RBFOX1: variants seen among roughly 807,000 people sequenced by gnomAD.
RBFOX1 encodes RNA binding protein fox-1 homolog 1.
RBFOX1 carries 8 observed loss-of-function variants against 57.7 expected under a neutral mutation model. That is an observed-to-expected ratio of 0.14 (90% CI 0.08 to 0.25). The LOEUF (loss-of-function observed/expected upper bound fraction) is 0.25. RBFOX1 is among the 10% of genes least tolerant of loss of function. The pLI is 1.00. For synonymous variants in RBFOX1, 326 were observed against 222.4 expected (o/e 1.47, Z -4.15); for missense variants, 611 against 548.5 (o/e 1.11, Z -1.14).
At chr16:7,478,009 T>C (rs1337335186) in intron 4 of RBFOX1, among the ~76,000 whole-genome samples, 1 of 152,228 alleles carries the variant, frequency 6.6e-6, no homozygotes, top group African/African-American at 2.4e-5. Flanking sequence ...CCTCCTTCTC[T>C]CTACACTGTT....
chr16:6,855,274 A>T (rs1299039995), intron 3 of RBFOX1, among the ~76,000 whole-genome samples: 1 of 152,142 alleles, frequency 6.6e-6, no homozygotes, highest in African/African-American at 2.4e-5. Flanking sequence ...GAAGGAGGGC[A>T]GTCAGCATTC....
intron 3 of RBFOX1, among the ~76,000 whole-genome samples, chr16:6,810,579 T>C (rs2154266012): frequency 6.6e-6 from 1 of 152,212 alleles, no homozygotes; most frequent in African/African-American, 2.4e-5. Flanking sequence ...GTATTATGAG[T>C]TTCATAGTGC....
intron 3 of RBFOX1, among the ~76,000 whole-genome samples, chr16:6,977,937 G>GAAAAAA (rs1555705863): frequency 1.0e-3 from 83 of 79,462 alleles, no homozygotes; most frequent in African/African-American, 1.5e-3. Context: ...CCTCCCCAGG[G>GAAAAAA]AAAAAAAAAA....
In RBFOX1 at chr16:5,933,131, A is replaced by G. The variant is rs145327180; in HGVS notation, c.351+65796A>G. ...TTCTTCTTCAAATGGAAACTTTTCA[A>G]TTGCTTTCAAATAGCTGGAGCTGAT... On this transcript the variant is annotated intron_variant, in intron 4 of 19. Transcript: ENST00000641259. Among the ~76,000 whole-genome samples the G allele has an allele frequency of 7.9e-5, 12 of 152,308 alleles. No homozygotes were observed. In the East Asian group the frequency reaches 9.7e-4, roughly 12 times the overall value.
chr16:5,901,655 T>C (rs147726078), intron 4 of RBFOX1, among the ~76,000 whole-genome samples: 73 of 152,312 alleles, frequency 4.8e-4, no homozygotes, highest in African/African-American at 1.7e-3. Flanking sequence ...AGAGTAAGGA[T>C]ATAGGAAATT....
chr16:6,235,633 CAT>C lies in RBFOX1; in HGVS notation c.-126-81352_-126-81351del, dbSNP rs1213213874. On this transcript the variant is annotated intron_variant, in intron 1 of 15. Coordinates refer to ENST00000550418, the MANE Select transcript of RBFOX1 (RefSeq NM_018723.4). ...ATATTTATACATATATATATACTTA[CAT>C]ATATATATACACATATGTATATGAT... is the stretch of plus-strand genomic sequence containing the variant. Among the ~76,000 whole-genome samples, 5 of 148,150 alleles carry C rather than the reference CAT, an allele frequency of 3.4e-5. 1 individual carries two copies. Among genetic ancestry groups the C allele is most frequent in the East Asian group, 3.9e-4 (2 of 5,076 alleles).
At chr16:7,571,296 C>G (rs546721470) in intron 5 of RBFOX1, among the ~76,000 whole-genome samples, 38 of 152,264 alleles carry the variant, frequency 2.5e-4, no homozygotes, top group African/African-American at 8.7e-4. Context: ...TCAGTCTTGT[C>G]TCCCTAGGGT....
At chr16:6,678,600 G>C (rs763163628) in intron 3 of RBFOX1, among the ~76,000 whole-genome samples, 48 of 151,120 alleles carry the variant, frequency 3.2e-4, no homozygotes, top group Middle Eastern at 6.8e-3. Context: ...TATTTTGACA[G>C]CGGATTGCAT....
At chr16:5,735,364 A>G (rs563377117) in intron 3 of RBFOX1, among the ~76,000 whole-genome samples, 3 of 152,210 alleles carry the variant, frequency 2.0e-5, no homozygotes, top group African/African-American at 4.8e-5. Flanking sequence ...ATTCTTCTCA[A>G]TCACATCTGA....
At chr16:5,564,794 A>G (rs2046007648) in intron 2 of RBFOX1, among the ~76,000 whole-genome samples, 1 of 152,158 alleles carries the variant, frequency 6.6e-6, no homozygotes, top group Non-Finnish European at 1.5e-5. Flanking sequence ...CTAGAAGAAC[A>G]ACCCAGTTTT....
At chr16:7,691,908 C>T (rs2077430478) in intron 14 of RBFOX1, among the ~76,000 whole-genome samples, 1 of 152,110 alleles carries the variant, frequency 6.6e-6, no homozygotes, top group African/African-American at 2.4e-5. Context: ...TTCTTAGGAG[C>T]ATTCTGTAAA....
At chr16:6,222,596 T>G (rs1463383959) in intron 1 of RBFOX1, among the ~76,000 whole-genome samples, 4 of 143,856 alleles carry the variant, frequency 2.8e-5, no homozygotes, top group Admixed American at 2.2e-4. Context: ...AAGGCTTTGT[T>G]AAGCCCTGGA....
chr16:5,902,750 A>G (rs1348827564), intron 4 of RBFOX1, among the ~76,000 whole-genome samples: 1 of 152,040 alleles, frequency 6.6e-6, no homozygotes. Context: ...GCCTTCATCA[A>G]TCTCTTATTC....
chr16:7,626,979 G>T (rs746775792), intron 10 of RBFOX1, among the ~76,000 whole-genome samples: 2 of 152,104 alleles, frequency 1.3e-5, no homozygotes, highest in Non-Finnish European at 2.9e-5. Context: ...TGTAGTAGAG[G>T]ACCACGAAGG....
At chr16:5,630,687 C>T (rs7197298) in intron 3 of RBFOX1, among the ~76,000 whole-genome samples, 7,585 of 152,118 alleles carry the variant, frequency 0.05, 498 homozygotes, top group African/African-American at 0.15. Flanking sequence ...AAGCCGGCTT[C>T]TTATTCTTTT....
At chr16:5,477,825 G>A (rs879565578) in intron 2 of RBFOX1, among the ~76,000 whole-genome samples, 1 of 152,162 alleles carries the variant, frequency 6.6e-6, no homozygotes, top group Non-Finnish European at 1.5e-5. Flanking sequence ...CTCACTGAAG[G>A]AAATTTCTGG....
At chr16:6,620,031 A>T (rs889547105) in intron 2 of RBFOX1, among the ~76,000 whole-genome samples, 2 of 152,170 alleles carry the variant, frequency 1.3e-5, no homozygotes, top group African/African-American at 4.8e-5. Flanking sequence ...CCTGCAAAGG[A>T]CATAATCTTA....
intron 3 of RBFOX1, among the ~76,000 whole-genome samples, chr16:6,741,388 C>T (rs114063101): frequency 0.02 from 3,051 of 152,060 alleles, 115 homozygotes; most frequent in African/African-American, 0.07. Context: ...TTTGGCTGGA[C>T]GGGGTGGCTC....
chr16:5,415,871 G>A (rs530288687), intron 1 of RBFOX1, among the ~76,000 whole-genome samples: 47 of 152,230 alleles, frequency 3.1e-4, no homozygotes, highest in Middle Eastern at 3.4e-3. Flanking sequence ...TATAAAGGCC[G>A]GTTTCCCAGG....
Sources: allele counts gnomAD v4.1 joint callset (sites outside exome capture counted in the v4.1 genomes callset), GRCh38; gene constraint gnomAD v4.1.1; transcripts MANE v1.5; gene names NCBI Gene and HGNC (gene_info 2026-07-23, HGNC 2026-07-21).